EFEMP1: variants seen among roughly 807,000 people sequenced by gnomAD.
The protein encoded by EFEMP1 is EGF-containing fibulin-like extracellular matrix protein 1.
A neutral mutation model predicts 65.7 loss-of-function variants in EFEMP1; 18 were observed. The ratio of observed to expected loss-of-function variants is 0.27; its 90% CI spans 0.19 to 0.41. The LOEUF is 0.41. Ranked by LOEUF, EFEMP1 falls within the 10% of genes least tolerant of loss-of-function variation. EFEMP1 has a pLI of 1.00. For synonymous variants in EFEMP1, 237 were observed against 219.7 expected (o/e 1.08, Z -0.70); for missense variants, 469 against 624.8 (o/e 0.75, Z 2.66).
intron 6 of EFEMP1, among the ~76,000 whole-genome samples, chr2:55,880,625 C>T (rs75915915): frequency 0.043 from 6,554 of 152,212 alleles, 455 homozygotes; most frequent in African/African-American, 0.15. Context: ...CGAAAACTGA[C>T]GCTGGTTGTC....
chr2:55,869,541 C>G (rs1368946067), intron 11 of EFEMP1, among the ~76,000 whole-genome samples: 2 of 151,950 alleles, frequency 1.3e-5, no homozygotes, highest in Non-Finnish European at 2.9e-5. Flanking sequence ...TTCTAATATA[C>G]TGGCAAAGAA....
At chr2:55,905,329 C>T (rs1670212469) in intron 5 of EFEMP1, among the ~76,000 whole-genome samples, 1 of 152,102 alleles carries the variant, frequency 6.6e-6, no homozygotes, top group African/African-American at 2.4e-5. Flanking sequence ...TTCCTTTAAT[C>T]TGAAACCAGA....
chr2:55,923,553 T>C lies in EFEMP1; in HGVS notation c.-49+158A>G, dbSNP rs1167008099. On this transcript the variant is annotated intron_variant, in intron 1 of 11. Coordinates refer to ENST00000355426, the MANE Select transcript of EFEMP1 (RefSeq NM_001039348.3). The surrounding 1 kb of genome is among the most constrained non-coding windows in gnomAD (Gnocchi z 5.3). Reference sequence around the variant, plus strand: ...TTGCTGACAGATCGCATTCCGAGGCTGCACACCTCCACCTCCCTCTCTGCC... The same window carrying C: ...TTGCTGACAGATCGCATTCCGAGGCCGCACACCTCCACCTCCCTCTCTGCC... 1.3e-5 allele frequency among the ~76,000 whole-genome samples: 2 copies of C among 152,158 alleles called. No individual in the cohort carries two copies. The highest frequency in any genetic ancestry group is 4.8e-5 in the African/African-American group (2 of 41,456).
chr2:55,918,288 G>C, intron 3 of EFEMP1, 21 bp from the exon 4 acceptor site: 10 of 1,614,128 alleles, frequency 6.2e-6, no homozygotes, highest in Non-Finnish European at 8.5e-6. Context: ...AACATCAAAG[G>C]TGGGGCCAGG....
intron 5 of EFEMP1, among the ~76,000 whole-genome samples, chr2:55,913,529 A>T (rs1034518837): frequency 6.6e-6 from 1 of 152,126 alleles, no homozygotes; most frequent in South Asian, 2.1e-4. Context: ...TAATTTTTTT[A>T]AAGTTCAATT....
rs1670829977 is a variant in EFEMP1 at position 55,919,348 on chromosome 2, GAAGAT to G, written c.82-1086_82-1082del. Among the ~76,000 whole-genome samples the G allele has an allele frequency of 6.6e-6, 1 of 152,278 alleles. No homozygotes were observed. Among genetic ancestry groups the G allele is most frequent in the South Asian group, 2.1e-4 (1 of 4,818 alleles). ...GATCATTCAGGGTTCTTGTTAAAAT[GAAGAT>G]TCCTGGGCCCACCCAAAGGATTTGA... On this transcript the variant is annotated intron_variant, in intron 3 of 11. Transcript: ENST00000355426. This position sits in a 1 kb window ranked among gnomAD's most constrained non-coding sequence, Gnocchi z 4.5.
In EFEMP1 at chr2:55,922,147, G is replaced by C; in HGVS notation, c.81+213C>G. ...GCCCTGCACAAATGATTACATGTTG[G>C]TTCCTATCTTAGGTGGTGAGCCCAA... On this transcript the variant is annotated intron_variant, in intron 3 of 11. Coordinates refer to ENST00000355426, the MANE Select transcript of EFEMP1 (RefSeq NM_001039348.3). The surrounding 1 kb of genome is among the most constrained non-coding windows in gnomAD (Gnocchi z 5.5). 1 of 534,276 alleles carries C rather than the reference G, an allele frequency of 1.9e-6. No homozygotes were observed. Among genetic ancestry groups the C allele is most frequent in the Non-Finnish European group, 3.4e-6 (1 of 292,128 alleles). 33.1% of individuals were successfully genotyped at this position (534,276 alleles called of 1,614,324 possible). A position where few individuals can be genotyped will look rare whatever the true frequency, so the allele number is the denominator to read the frequency against.
At chr2:55,905,592 C>G (rs1287315381) in intron 5 of EFEMP1, among the ~76,000 whole-genome samples, 1 of 152,014 alleles carries the variant, frequency 6.6e-6, no homozygotes, top group Non-Finnish European at 1.5e-5. Context: ...GGGACTACAG[C>G]CGCATGCCAC....
intron 5 of EFEMP1, among the ~76,000 whole-genome samples, chr2:55,897,464 G>A (rs1669871669): frequency 6.6e-6 from 1 of 152,132 alleles, no homozygotes; most frequent in African/African-American, 2.4e-5. Flanking sequence ...GAAAAGTACA[G>A]GTATGACTAT....
In EFEMP1 at chr2:55,866,999, TAAATA is replaced by T. The variant is rs1319390281; in HGVS notation, c.*69_*73del. ...GATGTAGATGCACTAGATATATCTATAAATAAAATAGTGCTTTAAGGTAACAATAT... is the reference window on the plus strand; with the variant it reads ...GATGTAGATGCACTAGATATATCTATAAATAGTGCTTTAAGGTAACAATAT... On this transcript the variant is annotated 3_prime_UTR_variant, in exon 12 of 12. Transcript: ENST00000355426. 10 of 1,567,936 alleles carry T rather than the reference TAAATA, an allele frequency of 6.4e-6. No individual in the cohort carries two copies. Among genetic ancestry groups the T allele is most frequent in the Admixed American group, 1.7e-5 (1 of 59,812 alleles).
At chr2:55,875,357 C>CAT (rs1668989555) in intron 8 of EFEMP1, among the ~76,000 whole-genome samples, 1 of 142,334 alleles carries the variant, frequency 7.0e-6, no homozygotes, top group African/African-American at 2.8e-5. Context: ...CACACACACA[C>CAT]ACACACACAT....
At chr2:55,914,722 T>C (rs1222956273) in intron 5 of EFEMP1, among the ~76,000 whole-genome samples, 2 of 152,244 alleles carry the variant, frequency 1.3e-5, no homozygotes, top group African/African-American at 4.8e-5. Context: ...GTAAGATTCA[T>C]TTATTCTATC....
intron 8 of EFEMP1, among the ~76,000 whole-genome samples, chr2:55,875,788 G>A (rs72924519): frequency 0.016 from 2,380 of 152,184 alleles, 75 homozygotes; most frequent in African/African-American, 0.054. Context: ...AGCTTGGCAG[G>A]ATCTGACTTT....
chr2:55,910,026 T>C lies in EFEMP1; in HGVS notation c.517+7639A>G, dbSNP rs75046370. Among the ~76,000 whole-genome samples the C allele has an allele frequency of 2.0e-3, 304 of 152,342 alleles. 7 individuals carry two copies. In the East Asian group the frequency reaches 0.053, roughly 26 times the overall value. ...TACTGCCTAGTTACCCTGGATGGGA[T>C]AGATGTACAATCATTTGAAAGGTAG... On this transcript the variant is annotated intron_variant, in intron 5 of 11. Coordinates refer to ENST00000355426, the MANE Select transcript of EFEMP1 (RefSeq NM_001039348.3).
chr2:55,916,473 C>T (rs751386649), intron 5 of EFEMP1, among the ~76,000 whole-genome samples: 9 of 152,154 alleles, frequency 5.9e-5, no homozygotes, highest in Non-Finnish European at 1.0e-4. Context: ...AAACTAAACA[C>T]GGGTGAATAA....
chr2:55,876,822 C>G (rs1669055655), intron 7 of EFEMP1, 80 bp from the exon 8 acceptor site: 3 of 898,204 alleles, frequency 3.3e-6, no homozygotes, highest in Admixed American at 3.2e-5. Flanking sequence ...TAAACATATC[C>G]TTACTCTTTT....
At position 55,923,295 on chromosome 2, in the gene EFEMP1, G is replaced by A. The variant is rs779631678; in HGVS notation, c.-48-356C>T. On this transcript the variant is annotated intron_variant, in intron 1 of 11. Coordinates refer to ENST00000355426, the MANE Select transcript of EFEMP1 (RefSeq NM_001039348.3). The surrounding 1 kb of genome is among the most constrained non-coding windows in gnomAD (Gnocchi z 5.3). ...GTACCAGTTTCGGGCGGGCGGCCTGGCCCGGCAGGGAGATGAGGTCCCCTT... is the reference window on the plus strand; with the variant it reads ...GTACCAGTTTCGGGCGGGCGGCCTGACCCGGCAGGGAGATGAGGTCCCCTT... 6.6e-6 allele frequency among the ~76,000 whole-genome samples: 1 copy of A among 152,154 alleles called. No homozygotes were observed. Among genetic ancestry groups the A allele is most frequent in the Non-Finnish European group, 1.5e-5 (1 of 68,020 alleles).
Position 55,867,048 on chromosome 2 carries a change from G to A in EFEMP1, c.*25C>T, listed in dbSNP as rs1355281632. The stretch of plus-strand genomic sequence containing the variant: ...ACAATATTCTTTGGCTGACTTAAAT[G>A]CCTGTGGTTGACTCTTAGAAAAGAC... On this transcript the variant is annotated 3_prime_UTR_variant, in exon 12 of 12. Transcript: ENST00000355426. This position sits in a 1 kb window ranked among gnomAD's most constrained non-coding sequence, Gnocchi z 4.3. The A allele has an allele frequency of 1.9e-6, 3 of 1,611,604 alleles. No homozygotes were observed. In the South Asian group the frequency reaches 3.3e-5, roughly 18 times the overall value.
intron 3 of EFEMP1, among the ~76,000 whole-genome samples, chr2:55,920,992 T>C (rs2104456742): frequency 6.6e-6 from 1 of 152,362 alleles, no homozygotes; most frequent in African/African-American, 2.4e-5. Flanking sequence ...AAAACTATCA[T>C]GTTTAAGCCA....
Sources: allele counts gnomAD v4.1 joint callset (sites outside exome capture counted in the v4.1 genomes callset), GRCh38; gene constraint gnomAD v4.1.1; non-coding constraint Gnocchi (gnomAD v3.1); transcripts MANE v1.5; gene names NCBI Gene and HGNC (gene_info 2026-07-23, HGNC 2026-07-21).